Variants in EPRS1 observed in about 807,000 individuals in gnomAD.
The protein encoded by EPRS1 is bifunctional glutamate/proline--tRNA ligase.
Under a neutral mutation model 188.3 loss-of-function variants are expected in EPRS1, and 107 were observed. The observed-to-expected ratio is 0.57, with a 90% CI of 0.49 to 0.67. EPRS1 has a LOEUF of 0.67. EPRS1 is among the 30% of genes least tolerant of loss of function. The probability of loss-of-function intolerance (pLI) is 0.00; values close to 1 mark genes in which losing one functional copy is unlikely to be tolerated. For synonymous variants in EPRS1, 596 were observed against 593.1 expected, an observed-to-expected ratio of 1.00 and a Z score of -0.07; for missense variants, 1,577 against 1,802.2, an observed-to-expected ratio of 0.88 and a Z score of 2.26.
intron 12 of EPRS1, chr1:220,018,182 A>C (rs1370041033): frequency 7.1e-7 from 1 of 1,410,676 alleles, no homozygotes; most frequent in African/African-American, 1.4e-5. Context: ...GAGTGTTCAT[A>C]AAAAATTTAA....
At chr1:219,998,491 AAAT>A (rs1269434584) in intron 17 of EPRS1, among the ~76,000 whole-genome samples, 2 of 152,142 alleles carry the variant, frequency 1.3e-5, no homozygotes, top group East Asian at 1.9e-4. Context: ...TACATTAAAT[AAAT>A]AATACAATTC....
intron 2 of EPRS1, among the ~76,000 whole-genome samples, chr1:220,037,931 C>G (rs1007410742): frequency 1.3e-5 from 2 of 152,120 alleles, no homozygotes; most frequent in East Asian, 3.9e-4. Flanking sequence ...AAAACTTACA[C>G]GGTCATTATA....
intron 30 of EPRS1, 64 bp from the exon 31 acceptor site, chr1:219,969,186 A>G: frequency 1.7e-6 from 2 of 1,158,184 alleles, no homozygotes; most frequent in Non-Finnish European, 2.6e-6. Flanking sequence ...TGCAGAAGGA[A>G]CATTTGAGTT....
intron 9 of EPRS1, 138 bp from the exon 10 acceptor site, chr1:220,020,359 T>C: frequency 1.7e-6 from 1 of 598,992 alleles, no homozygotes; most frequent in South Asian, 2.3e-5. Flanking sequence ...GTTTTATGAC[T>C]TAATACTCAA....
At chr1:220,018,849 T>TA in intron 11 of EPRS1, 146 bp downstream of exon 11, 5 of 487,900 alleles carry the variant, frequency 1.0e-5, no homozygotes, top group African/African-American at 4.6e-5. Flanking sequence ...AAAGTTTGTT[T>TA]TAAAAAAAAA....
In EPRS1 at chr1:220,046,332, C is replaced by T. The variant is rs774082934; in HGVS notation, c.46+11G>A. The T allele has an allele frequency of 6.2e-7, 1 of 1,614,134 alleles. No individual in the cohort carries two copies. Among genetic ancestry groups the T allele is most frequent in the South Asian group, 1.1e-5 (1 of 91,084 alleles). The stretch of plus-strand genomic sequence containing the variant: ...TGCAACCCACACAGGTCATTGGTCT[C>T]GGCCCCTTACCTAGCGGAGGGTCTC... On this transcript the variant is annotated intron_variant, in intron 1 of 31. Coordinates refer to ENST00000366923, the MANE Select transcript of EPRS1 (RefSeq NM_004446.3).
intron 9 of EPRS1, 122 bp downstream of exon 9, chr1:220,022,225 A>C: frequency 1.2e-6 from 1 of 802,572 alleles, no homozygotes. Flanking sequence ...GCCACCAGCC[A>C]GTGAACCCAT....
intron 12 of EPRS1, among the ~76,000 whole-genome samples, chr1:220,013,479 A>G (rs1344904899): frequency 1.3e-5 from 2 of 152,200 alleles, no homozygotes; most frequent in Non-Finnish European, 2.9e-5. Context: ...AATCATGCAA[A>G]TAAATCTAGC....
At chr1:220,014,640 A>G (rs114697617) in intron 12 of EPRS1, among the ~76,000 whole-genome samples, 3,051 of 152,316 alleles carry the variant, frequency 0.02, 93 homozygotes, top group African/African-American at 0.062. Flanking sequence ...AGGCGATTCA[A>G]TGAAGCCCCT....
At chr1:219,987,005 G>A (rs1470677233) in intron 20 of EPRS1, 137 bp downstream of exon 20, 6 of 872,022 alleles carry the variant, frequency 6.9e-6, no homozygotes, top group Non-Finnish European at 1.1e-5. Flanking sequence ...ATCAATAAAT[G>A]CTATCTGCTG....
At chr1:219,974,780 T>G (rs779480811) in intron 28 of EPRS1, among the ~76,000 whole-genome samples, 3 of 152,196 alleles carry the variant, frequency 2.0e-5, no homozygotes, top group African/African-American at 4.8e-5. Flanking sequence ...TTACATGCAT[T>G]TGTAAGATAC....
At chr1:220,003,756 C>T (rs561519572) in intron 16 of EPRS1, among the ~76,000 whole-genome samples, 1 of 152,288 alleles carries the variant, frequency 6.6e-6, no homozygotes, top group East Asian at 1.9e-4. Flanking sequence ...AACTATTAGG[C>T]ACTATGCTAC....
Position 219,976,135 on chromosome 1 carries a change from G to A in EPRS1, c.4083+2411C>T, listed in dbSNP as rs139208503. ...TTTAAGGGATCCTAATGGTCAAGCC[G>A]AAGACACTTTGAGCATCAAAACAAA... On this transcript the variant is annotated intron_variant, in intron 28 of 31. Transcript: ENST00000366923. Among the ~76,000 whole-genome samples the A allele has an allele frequency of 2.2e-3, 332 of 152,224 alleles. 2 individuals carry two copies. Among genetic ancestry groups the A allele is most frequent in the African/African-American group, 7.8e-3 (325 of 41,536 alleles).
chr1:219,986,783 A>ATGTGTGTGTGTGTGTG (rs55845197), intron 20 of EPRS1, among the ~76,000 whole-genome samples: 2 of 150,156 alleles, frequency 1.3e-5, no homozygotes, highest in Admixed American at 6.7e-5. Context: ...GAAAATATGT[A>ATGTGTGTGTGTGTGTG]TGTGTGTGTG....
intron 28 of EPRS1, among the ~76,000 whole-genome samples, chr1:219,974,689 C>CA (rs1348912787): frequency 6.6e-6 from 1 of 151,988 alleles, no homozygotes; most frequent in Admixed American, 6.5e-5. Flanking sequence ...AAAAAAACCA[C>CA]AATGGAACCA....
intron 6 of EPRS1, 119 bp from the exon 7 acceptor site, chr1:220,025,377 T>C (rs1257023022): frequency 1.6e-6 from 1 of 619,048 alleles, no homozygotes; most frequent in Non-Finnish European, 2.5e-6. Flanking sequence ...ACCCAAGTCA[T>C]ATTTTATTTT....
intron 11 of EPRS1, among the ~76,000 whole-genome samples, chr1:220,018,712 G>C (rs927901418): frequency 1.3e-5 from 2 of 151,824 alleles, no homozygotes; most frequent in Non-Finnish European, 2.9e-5. Context: ...TCTACAGACT[G>C]CTCACAGTCA....
chr1:220,034,173 C>T (rs1558061828), intron 3 of EPRS1, among the ~76,000 whole-genome samples: 1 of 152,158 alleles, frequency 6.6e-6, no homozygotes. Context: ...CAATGACAGA[C>T]TGCATATATG....
At chr1:220,018,602 A>AC (rs1486679317) in intron 11 of EPRS1, 94 bp from the exon 12 acceptor site, 4 of 828,568 alleles carry the variant, frequency 4.8e-6, no homozygotes, top group South Asian at 1.5e-5. Context: ...AAAAAAAAAA[A>AC]AACTCGATAA....
Sources: gnomAD v4.1 joint callset for allele counts (sites outside exome capture counted in the v4.1 genomes callset) on GRCh38, gnomAD v4.1.1 for gene constraint, MANE v1.5 for transcripts, NCBI Gene and HGNC (gene_info 2026-07-23, HGNC 2026-07-21) for gene names.